XRN1: variants seen among roughly 807,000 people sequenced by gnomAD.
XRN1 encodes 5'-3' exoribonuclease 1, also known as strand-exchange protein 1 homolog.
A neutral mutation model predicts 222.3 loss-of-function variants in XRN1; 67 were observed. That is an observed-to-expected ratio of 0.30 (90% CI 0.25 to 0.37). XRN1 has a LOEUF of 0.37. Ranked by LOEUF, XRN1 falls within the 10% of genes least tolerant of loss-of-function variation. The pLI, the probability that XRN1 is intolerant of heterozygous loss-of-function variation, is 1.00. For synonymous variants in XRN1, 643 were observed against 652.4 expected, an observed-to-expected ratio of 0.99 and a Z score of 0.22; for missense variants, 1,707 against 2,000.2, an observed-to-expected ratio of 0.85 and a Z score of 2.80.
At chr3:142,432,998 G>A (rs975042840) in intron 1 of XRN1, 105 bp from the exon 2 acceptor site, 3 of 855,802 alleles carry the variant, frequency 3.5e-6, no homozygotes, top group Non-Finnish European at 3.5e-6. Flanking sequence ...CAGGATTTGT[G>A]TATTCTATTA....
chr3:142,339,496 A>G (rs140276391), intron 33 of XRN1, among the ~76,000 whole-genome samples: 12 of 152,332 alleles, frequency 7.9e-5, no homozygotes, highest in African/African-American at 1.7e-4. Context: ...TACGAGATGT[A>G]TCTAACTCTT....
chr3:142,347,488 G>C, intron 32 of XRN1, 146 bp from the exon 33 acceptor site: 1 of 505,558 alleles, frequency 2.0e-6, no homozygotes, highest in Non-Finnish European at 3.3e-6. Flanking sequence ...GACTTTTAAA[G>C]CCACTTGAAC....
chr3:142,311,823 A>G lies in XRN1; in HGVS notation c.4783-10T>C, dbSNP rs2065084150. The G allele has an allele frequency of 6.4e-7, 1 of 1,562,372 alleles. No individual in the cohort carries two copies. The highest frequency in any genetic ancestry group is 8.6e-7 in the Non-Finnish European group (1 of 1,158,366). On this transcript the variant is annotated splice_polypyrimidine_tract_variant and intron_variant, in intron 40 of 40. Coordinates refer to ENST00000392981, the MANE Select transcript of XRN1 (RefSeq NM_001282857.2). ...CCCTTTTTTTAGTAACCTGTTAGGA[A>G]TAAAAGCATCACTAATTAATAATGT...
At chr3:142,432,164 TA>T (rs1252968460) in intron 2 of XRN1, among the ~76,000 whole-genome samples, 1 of 111,034 alleles carries the variant, frequency 9.0e-6, no homozygotes, top group Admixed American at 9.9e-5. Flanking sequence ...AATTTATATA[TA>T]AATATATAAA....
At chr3:142,342,209 TAC>T (rs2066013866) in intron 33 of XRN1, among the ~76,000 whole-genome samples, 1 of 152,104 alleles carries the variant, frequency 6.6e-6, no homozygotes, top group Non-Finnish European at 1.5e-5. Flanking sequence ...TTACAATAGC[TAC>T]AGATAAAACT....
chr3:142,423,398 G>A (rs538136187), intron 6 of XRN1, among the ~76,000 whole-genome samples, 162 bp downstream of exon 6: 1 of 152,240 alleles, frequency 6.6e-6, no homozygotes, highest in Non-Finnish European at 1.5e-5. Flanking sequence ...AAATGAGTTG[G>A]ATTATAACAA....
At chr3:142,323,303 T>TC (rs1309141563) in intron 37 of XRN1, among the ~76,000 whole-genome samples, 1 of 151,850 alleles carries the variant, frequency 6.6e-6, no homozygotes, top group Non-Finnish European at 1.5e-5. Flanking sequence ...TGTTTTTTTT[T>TC]TTTAAATGGA....
chr3:142,439,192 A>G (rs1255027258), intron 1 of XRN1, among the ~76,000 whole-genome samples: 2 of 152,236 alleles, frequency 1.3e-5, no homozygotes, highest in Non-Finnish European at 2.9e-5. Context: ...TGACATGGAG[A>G]GATATAATGT....
At chr3:142,399,960 C>T (rs994646927) in intron 19 of XRN1, among the ~76,000 whole-genome samples, 18 of 149,992 alleles carry the variant, frequency 1.2e-4, no homozygotes, top group African/African-American at 2.9e-4. Flanking sequence ...AATAAAAAAA[C>T]GACAAAAAAT....
Position 142,421,515 on chromosome 3 carries a change from G to A in XRN1, c.996C>T (p.Asn332=). 1.2e-6 allele frequency: 2 copies of A among 1,610,172 alleles called. No individual in the cohort carries two copies. The highest frequency in any genetic ancestry group is 1.7e-6 in the Non-Finnish European group (2 of 1,178,470). ...CAAGGTATTTCTCAAATCGAGGTAAGTTGAGGTGCCCACTTTCATTAATAT... is the reference window on the plus strand; with the variant it reads ...CAAGGTATTTCTCAAATCGAGGTAAATTGAGGTGCCCACTTTCATTAATAT... ...GGYINESGHL[N]LPRFEKYLVK... The change falls in exon 9 of 41, where the codon AAC becomes AAT. Residue 332 remains asparagine, a synonymous_variant. Coordinates refer to ENST00000392981, the MANE Select transcript of XRN1 (RefSeq NM_001282857.2).
At chr3:142,363,064 G>A (rs546005217) in intron 29 of XRN1, among the ~76,000 whole-genome samples, 18 of 152,160 alleles carry the variant, frequency 1.2e-4, no homozygotes, top group Middle Eastern at 3.4e-3. Flanking sequence ...TGTGAGCCAC[G>A]GCACCAGGCT....
intron 32 of XRN1, among the ~76,000 whole-genome samples, chr3:142,350,659 A>T (rs900917850): frequency 6.6e-6 from 1 of 152,118 alleles, no homozygotes; most frequent in Non-Finnish European, 1.5e-5. Flanking sequence ...GTTGGTATGA[A>T]TTTGGAGTAG....
At chr3:142,399,800 T>TAA (rs10598032) in intron 19 of XRN1, among the ~76,000 whole-genome samples, 3 of 144,012 alleles carry the variant, frequency 2.1e-5, no homozygotes, top group African/African-American at 7.6e-5. Context: ...TGTGTAAATT[T>TAA]AAAAAAAAAA....
chr3:142,438,893 C>A (rs927136063), intron 1 of XRN1, among the ~76,000 whole-genome samples: 2 of 152,040 alleles, frequency 1.3e-5, no homozygotes, highest in African/African-American at 4.8e-5. Context: ...TCAGAGTCTA[C>A]CTCCCTATTC....
chr3:142,433,208 C>T (rs545492535), intron 1 of XRN1, among the ~76,000 whole-genome samples: 34 of 152,232 alleles, frequency 2.2e-4, no homozygotes, highest in East Asian at 9.6e-4. Flanking sequence ...ATATTAGTTT[C>T]GTTCCTTCCT....
At position 142,383,344 on chromosome 3, in the gene XRN1, T is replaced by C; in HGVS notation, c.2572A>G (p.Met858Val). The change falls in exon 22 of 41, where the codon ATG becomes GTG. Residue 858 changes from methionine (M) to valine (V), a missense_variant. Around this residue, in one of 2 missense-constraint regions of XRN1, gnomAD observed 1,234 missense variants for 1,518.2 expected, o/e 0.81. Coordinates refer to ENST00000392981, the MANE Select transcript of XRN1 (RefSeq NM_001282857.2). ...TAGGGAGTTCCCAGCATAAAGACCA[T>C]ACTTCTCAGAGGAAACAAATCATCC... ...TLDDLFPLRSMVFMLGTPYYG... is the reference protein window; with the variant it reads ...TLDDLFPLRSVVFMLGTPYYG... 2 of 1,614,014 alleles carry C rather than the reference T, an allele frequency of 1.2e-6. No homozygotes were observed. The highest frequency in any genetic ancestry group is 1.7e-6 in the Non-Finnish European group (2 of 1,179,960).
At chr3:142,431,646 G>A (rs1034420595) in intron 2 of XRN1, among the ~76,000 whole-genome samples, 9 of 150,168 alleles carry the variant, frequency 6.0e-5, no homozygotes, top group East Asian at 2.0e-4. Flanking sequence ...GTGAAACTCC[G>A]TCTCTACTAA....
chr3:142,324,458 G>A (rs2065457726), intron 37 of XRN1, among the ~76,000 whole-genome samples: 1 of 151,982 alleles, frequency 6.6e-6, no homozygotes, highest in South Asian at 2.1e-4. Context: ...GTATTCCATG[G>A]TGTATATCTG....
chr3:142,430,025 T>C (rs2069454378), intron 2 of XRN1, among the ~76,000 whole-genome samples: 1 of 152,182 alleles, frequency 6.6e-6, no homozygotes, highest in South Asian at 2.1e-4. Context: ...ACTATAGTGA[T>C]GTATTCTTAG....
Sources: allele counts gnomAD v4.1 joint callset (sites outside exome capture counted in the v4.1 genomes callset), GRCh38; gene constraint gnomAD v4.1.1; regional missense constraint gnomAD v4.1.1; transcripts MANE v1.5; gene names NCBI Gene and HGNC (gene_info 2026-07-23, HGNC 2026-07-21).